Variants in BCAS3 observed in about 807,000 individuals in gnomAD.
BCAS3 encodes the protein BCAS4/BCAS3 fusion.
In BCAS3, 53 loss-of-function variants were observed where a neutral mutation model predicts 116.1. That is an observed-to-expected ratio of 0.46 (90% CI 0.37 to 0.57). The LOEUF is 0.57. Among genes scored for constraint, BCAS3 ranks in the 20% least tolerant of loss-of-function variants. The pLI is 0.00. For synonymous variants in BCAS3, 391 were observed against 408.2 expected (o/e 0.96, Z 0.51); for missense variants, 917 against 1,165.4 (o/e 0.79, Z 3.10).
intron 6 of BCAS3, among the ~76,000 whole-genome samples, chr17:60,790,740 G>GTTTTTT (rs541425777): frequency 4.2e-5 from 5 of 118,966 alleles, no homozygotes; most frequent in Admixed American, 8.5e-5. Context: ...GTGTTTGTAG[G>GTTTTTT]TTTTTTTTTT....
At position 61,192,246 on chromosome 17, in the gene BCAS3, C is replaced by CAA. The variant is rs60456812; in HGVS notation, c.2425+107697_2425+107698dup. On this transcript the variant is annotated intron_variant, in intron 22 of 23. Coordinates refer to ENST00000407086, the MANE Select transcript of BCAS3 (RefSeq NM_017679.5). ...GGGCGACAGAGCAAGGCTCTGTTAC[C>CAA]AAAAAAAAAAAAAAAAGAAACATAG... 2.4e-4 allele frequency among the ~76,000 whole-genome samples: 17 copies of CAA among 70,684 alleles called. 2 individuals carry two copies. The highest frequency in any genetic ancestry group is 1.8e-3 in the South Asian group (2 of 1,086). The allele number at this position is 70,684 out of a possible 152,430, so 46.4% of individuals were successfully genotyped here. A position where few individuals can be genotyped will look rare whatever the true frequency, so the allele number is the denominator to read the frequency against.
chr17:60,756,077 G>C (rs1279539954), intron 6 of BCAS3, among the ~76,000 whole-genome samples: 1 of 149,418 alleles, frequency 6.7e-6, no homozygotes, highest in Non-Finnish European at 1.5e-5. Flanking sequence ...TGACATCAGG[G>C]ACCTGTTTTG....
rs2067452136 is a variant in BCAS3, at chr17:61,040,909, T to G, written c.2029+17T>G. On this transcript the variant is annotated intron_variant, in intron 19 of 23. Coordinates refer to ENST00000407086, the MANE Select transcript of BCAS3 (RefSeq NM_017679.5). ...TTGCTGGCCGTAAGTAGTTCAGATT[T>G]TTTTTTTCCTTTCGTATGGTCTATT... The G allele has an allele frequency of 6.3e-7, 1 of 1,597,404 alleles. No homozygotes were observed. Among genetic ancestry groups the G allele is most frequent in the Non-Finnish European group, 8.6e-7 (1 of 1,165,668 alleles).
chr17:60,768,710 A>G (rs554223909), intron 6 of BCAS3, among the ~76,000 whole-genome samples: 2 of 152,306 alleles, frequency 1.3e-5, no homozygotes, highest in South Asian at 4.1e-4. Context: ...GCTGGGCAGT[A>G]GGACACCAAG....
At chr17:61,085,313 C>T (rs375659484) in intron 22 of BCAS3, among the ~76,000 whole-genome samples, 40 of 152,292 alleles carry the variant, frequency 2.6e-4, no homozygotes, top group African/African-American at 8.9e-4. Flanking sequence ...CAAAAATTCT[C>T]TCTCAAGTAG....
At chr17:60,765,847 C>G (rs1197721156) in intron 6 of BCAS3, among the ~76,000 whole-genome samples, 1 of 152,192 alleles carries the variant, frequency 6.6e-6, no homozygotes, top group Admixed American at 6.5e-5. Flanking sequence ...TAGATTTGGT[C>G]TTTTCACATA....
intron 19 of BCAS3, among the ~76,000 whole-genome samples, chr17:61,049,734 T>TCTTTTC (rs201099773): frequency 2.1e-5 from 3 of 144,796 alleles, no homozygotes; most frequent in African/African-American, 7.7e-5. Context: ...TCTTTTCTTT[T>TCTTTTC]TTTTTTTTTT....
chr17:61,312,660 C>T (rs1445333762), intron 22 of BCAS3, among the ~76,000 whole-genome samples: 6 of 152,270 alleles, frequency 3.9e-5, no homozygotes, highest in East Asian at 3.9e-4. Context: ...CAGGGGCCCT[C>T]GGGATGCTGG....
intron 22 of BCAS3, among the ~76,000 whole-genome samples, chr17:61,271,424 A>ATTTTTTTTTTTTTTTTT (rs71148400): frequency 0.044 from 3,064 of 70,198 alleles, 1,215 homozygotes; most frequent in East Asian, 0.15. Flanking sequence ...CCATGCCCGG[A>ATTTTTTTTTTTTTTTTT]TTTTTTTTTT....
At chr17:60,867,313 C>A (rs1372965301) in intron 7 of BCAS3, among the ~76,000 whole-genome samples, 2 of 151,948 alleles carry the variant, frequency 1.3e-5, no homozygotes, top group Non-Finnish European at 2.9e-5. Context: ...GCTGTGTTGG[C>A]CAGGCTGATC....
intron 22 of BCAS3, among the ~76,000 whole-genome samples, chr17:61,245,685 G>A (rs1196073202): frequency 6.6e-6 from 1 of 152,190 alleles, no homozygotes; most frequent in Non-Finnish European, 1.5e-5. Context: ...ACATTCAAGT[G>A]GTTTCAGATG....
intron 22 of BCAS3, among the ~76,000 whole-genome samples, chr17:61,172,152 A>G (rs1347663195): frequency 6.6e-6 from 1 of 152,254 alleles, no homozygotes; most frequent in East Asian, 1.9e-4. Flanking sequence ...ACACACAATT[A>G]TAGTTGGAGA....
In BCAS3 at chr17:61,315,755, A is replaced by G. The variant is rs140849569; in HGVS notation, c.2426-52572A>G. Among the ~76,000 whole-genome samples, 2 of 152,072 alleles carry G rather than the reference A, an allele frequency of 1.3e-5. No homozygotes were observed. Among genetic ancestry groups the G allele is most frequent in the African/African-American group, 2.4e-5 (1 of 41,494 alleles). ...ACTGGTCCCTGAGATGTCCCCTGAC[A>G]TGCCCCTCACCCAGCACCTCTGCCC... On this transcript the variant is annotated intron_variant, in intron 22 of 23. Coordinates refer to ENST00000407086, the MANE Select transcript of BCAS3 (RefSeq NM_017679.5). The surrounding 1 kb of genome is among the most constrained non-coding windows in gnomAD (Gnocchi z 5.3).
At chr17:60,770,843 T>G (rs1321584626) in intron 6 of BCAS3, among the ~76,000 whole-genome samples, 12 of 71,206 alleles carry the variant, frequency 1.7e-4, no homozygotes, top group African/African-American at 3.9e-4. Flanking sequence ...TGTTTTTTTT[T>G]TTTTTTTTTT....
At chr17:61,164,011 C>CAA (rs547112430) in intron 22 of BCAS3, among the ~76,000 whole-genome samples, 174 of 127,280 alleles carry the variant, frequency 1.4e-3, no homozygotes, top group East Asian at 0.011. Context: ...AAAAAAAAAC[C>CAA]AAAAAAAAAA....
intron 11 of BCAS3, among the ~76,000 whole-genome samples, chr17:60,905,704 G>A (rs969990143): frequency 1.3e-5 from 2 of 152,200 alleles, no homozygotes; most frequent in Non-Finnish European, 2.9e-5. Flanking sequence ...CAAGGAATGG[G>A]TTTAAGAGTG....
At chr17:60,723,431 G>T (rs1598302917) in intron 5 of BCAS3, among the ~76,000 whole-genome samples, 1 of 152,012 alleles carries the variant, frequency 6.6e-6, no homozygotes, top group Admixed American at 6.6e-5. Flanking sequence ...TTGGCATGTT[G>T]GCCAGGCTCT....
At chr17:61,206,793 C>T (rs2081158933) in intron 22 of BCAS3, among the ~76,000 whole-genome samples, 1 of 76,228 alleles carries the variant, frequency 1.3e-5, no homozygotes, top group Non-Finnish European at 2.2e-5. Flanking sequence ...AAGAGCGAAA[C>T]TCTGTCTCAA....
chr17:61,369,918 C>T (rs1443028166), intron 23 of BCAS3, among the ~76,000 whole-genome samples: 2 of 152,222 alleles, frequency 1.3e-5, no homozygotes, highest in African/African-American at 2.4e-5. Context: ...TCACATAAAC[C>T]GGAGCCCGGT....
Sources: allele counts gnomAD v4.1 joint callset (sites outside exome capture counted in the v4.1 genomes callset), GRCh38; gene constraint gnomAD v4.1.1; non-coding constraint Gnocchi (gnomAD v3.1); transcripts MANE v1.5; gene names NCBI Gene and HGNC (gene_info 2026-07-23, HGNC 2026-07-21).